Variants in GSR observed in about 807,000 individuals in gnomAD.
The protein encoded by GSR is glutathione reductase, mitochondrial.
GSR carries 48 observed loss-of-function variants against 56.5 expected under a neutral mutation model. The observed-to-expected ratio is 0.85, with a 90% CI of 0.67 to 1.08. GSR has a LOEUF of 1.08. Ranked by LOEUF, GSR falls within the 50% of genes least tolerant of loss-of-function variation. The pLI, the probability that GSR is intolerant of heterozygous loss-of-function variation, is 0.00. For synonymous variants in GSR, 264 were observed against 270.8 expected, an observed-to-expected ratio of 0.97 and a Z score of 0.25; for missense variants, 694 against 703.3, an observed-to-expected ratio of 0.99 and a Z score of 0.15.
intron 2 of GSR, among the ~76,000 whole-genome samples, chr8:30,711,519 A>T (rs1174963388): frequency 6.6e-6 from 1 of 152,162 alleles, no homozygotes; most frequent in Non-Finnish European, 1.5e-5. Flanking sequence ...GCTGAGAAAA[A>T]ACTATCCTGT....
Position 30,703,298 on chromosome 8 carries a change from G to A in GSR, c.493-58C>T, listed in dbSNP as rs898019868. The stretch of plus-strand genomic sequence containing the variant: ...TAGAATAAAAACAAAGACACCTACT[G>A]CAACTTATCAGAACTTTCATTTCTC... On this transcript the variant is annotated intron_variant, in intron 4 of 12. Transcript: ENST00000221130. 4 of 1,434,284 alleles carry A rather than the reference G, an allele frequency of 2.8e-6. No homozygotes were observed. The African/African-American group carries it at 5.6e-5, about 20-fold the overall frequency. 88.8% of individuals were successfully genotyped at this position (1,434,284 alleles called of 1,614,324 possible).
chr8:30,686,380 T>C (rs1803162451), intron 9 of GSR, among the ~76,000 whole-genome samples: 1 of 152,036 alleles, frequency 6.6e-6, no homozygotes, highest in Non-Finnish European at 1.5e-5. Flanking sequence ...TTTTGCCTCA[T>C]TCTTCAAAAA....
chr8:30,725,509 G>A (rs969424743), intron 1 of GSR, among the ~76,000 whole-genome samples: 2 of 151,150 alleles, frequency 1.3e-5, no homozygotes, highest in Non-Finnish European at 3.0e-5. Flanking sequence ...GCAGTGAGCC[G>A]AGATTGCACC....
Position 30,712,135 on chromosome 8 carries a change from C to T in GSR, c.307-47G>A, listed in dbSNP as rs8190930. On this transcript the variant is annotated intron_variant, in intron 1 of 12. Coordinates refer to ENST00000221130, the MANE Select transcript of GSR (RefSeq NM_000637.5). ...ACACTTTAAGAATATTGAATTCAAA[C>T]CATCAAACGAAATCTGCAAGAAATG... 4.5e-3 allele frequency: 4,826 copies of T among 1,063,078 alleles called. 101 individuals are homozygous for T. The African/African-American group carries it at 0.052, about 11-fold the overall frequency. The allele number at this position is 1,063,078 out of a possible 1,614,324, so 65.9% of individuals were successfully genotyped here. A position where few individuals can be genotyped will look rare whatever the true frequency, so the allele number is the denominator to read the frequency against.
chr8:30,695,357 T>TC (rs1803510589), intron 7 of GSR, among the ~76,000 whole-genome samples: 1 of 152,120 alleles, frequency 6.6e-6, no homozygotes, highest in Non-Finnish European at 1.5e-5. Context: ...TGCCTCAGCC[T>TC]CCCGTGTAGC....
chr8:30,681,215 G>T (rs1802945723), intron 11 of GSR, among the ~76,000 whole-genome samples, 178 bp from the exon 12 acceptor site: 1 of 152,128 alleles, frequency 6.6e-6, no homozygotes, highest in Non-Finnish European at 1.5e-5. Flanking sequence ...ACAAAAGAAG[G>T]GCTGAGGAAT....
chr8:30,688,383 A>C (rs917420822), intron 9 of GSR, among the ~76,000 whole-genome samples: 4 of 152,118 alleles, frequency 2.6e-5, no homozygotes, highest in Non-Finnish European at 2.9e-5. Context: ...GTTCAAGAGC[A>C]GCCTGGGCAA....
At chr8:30,713,350 A>G (rs902325462) in intron 1 of GSR, among the ~76,000 whole-genome samples, 12 of 147,960 alleles carry the variant, frequency 8.1e-5, no homozygotes, top group Admixed American at 2.7e-4. Context: ...AAACTACATT[A>G]TTTTTTTGTT....
At chr8:30,694,591 C>G (rs963440486) in intron 7 of GSR, among the ~76,000 whole-genome samples, 2 of 151,742 alleles carry the variant, frequency 1.3e-5, no homozygotes. Flanking sequence ...GCCAGGAGTT[C>G]GAGACCAGCC....
At chr8:30,685,362 G>T (rs1443271918) in intron 9 of GSR, among the ~76,000 whole-genome samples, 1 of 152,088 alleles carries the variant, frequency 6.6e-6, no homozygotes, top group Non-Finnish European at 1.5e-5. Flanking sequence ...AAGCACTGGG[G>T]TTACAGGTGT....
At chr8:30,696,307 G>A (rs1803538886) in intron 7 of GSR, 73 bp downstream of exon 7, 15 of 1,056,958 alleles carry the variant, frequency 1.4e-5, no homozygotes, top group East Asian at 4.7e-5. Context: ...AGTATTTAAC[G>A]ACAACATAAG....
Position 30,700,007 on chromosome 8 carries a change from G to T in GSR, c.695+74C>A, listed in dbSNP as rs886739754. On this transcript the variant is annotated intron_variant, in intron 6 of 12. Transcript: ENST00000221130. ...AAAGGCCTACATTAAATGCTTGGGA[G>T]GAGAAGACGAAGAAAAGTTACCAGG... 1.8e-5 allele frequency: 18 copies of T among 1,023,642 alleles called. No homozygotes were observed. The African/African-American group carries it at 2.5e-4, about 14-fold the overall frequency. The allele number at this position is 1,023,642 out of a possible 1,614,324, so 63.4% of individuals were successfully genotyped here.
intron 5 of GSR, among the ~76,000 whole-genome samples, chr8:30,702,671 G>A (rs8190973): frequency 0.073 from 11,086 of 151,994 alleles, 472 homozygotes; most frequent in South Asian, 0.19. Flanking sequence ...GGCTGGGCAC[G>A]GTGGCCTGCA....
At chr8:30,719,522 A>T (rs1381634293) in intron 1 of GSR, among the ~76,000 whole-genome samples, 1 of 152,122 alleles carries the variant, frequency 6.6e-6, no homozygotes, top group Non-Finnish European at 1.5e-5. Flanking sequence ...AAGTGCTGGG[A>T]TAACAGGCGT....
intron 1 of GSR, 47 bp from the exon 2 acceptor site, chr8:30,712,135 C>A: frequency 1.9e-6 from 2 of 1,063,094 alleles, no homozygotes; most frequent in South Asian, 2.8e-5. Context: ...TGAATTCAAA[C>A]CATCAAACGA....
chr8:30,690,642 G>A (rs1383672934), intron 8 of GSR, among the ~76,000 whole-genome samples: 1 of 152,164 alleles, frequency 6.6e-6, no homozygotes, highest in African/African-American at 2.4e-5. Context: ...AGGCTGTGTG[G>A]GGGAAGGGAA....
intron 1 of GSR, among the ~76,000 whole-genome samples, chr8:30,714,590 G>A (rs980571727): frequency 1.3e-5 from 2 of 152,086 alleles, no homozygotes; most frequent in African/African-American, 2.4e-5. Flanking sequence ...AAACTCCTGG[G>A]CTCAAGCAAT....
At chr8:30,686,468 T>C (rs1803165910) in intron 9 of GSR, among the ~76,000 whole-genome samples, 1 of 152,072 alleles carries the variant, frequency 6.6e-6, no homozygotes, top group African/African-American at 2.4e-5. Flanking sequence ...GAAGGATCGC[T>C]TGAGCCCAGT....
At chr8:30,710,712 C>A (rs1804100738) in intron 2 of GSR, among the ~76,000 whole-genome samples, 1 of 50,530 alleles carries the variant, frequency 2.0e-5, no homozygotes, top group African/African-American at 8.8e-5. Flanking sequence ...GAGACTCTGT[C>A]TCAAAAAAAA....
Sources: allele counts gnomAD v4.1 joint callset (sites outside exome capture counted in the v4.1 genomes callset), GRCh38; gene constraint gnomAD v4.1.1; transcripts MANE v1.5; gene names NCBI Gene and HGNC (gene_info 2026-07-23, HGNC 2026-07-21).